The following ITPR2 variants were observed in gnomAD, a reference collection of about 807,000 sequenced individuals.
The protein encoded by ITPR2 is inositol 1,4,5-trisphosphate receptor type 2.
Under a neutral mutation model 317.1 loss-of-function variants are expected in ITPR2, and 207 were observed. The ratio of observed to expected loss-of-function variants is 0.65; its 90% confidence interval spans 0.58 to 0.73. The LOEUF is 0.73. ITPR2 is among the 30% of genes least tolerant of loss of function. The pLI, the probability that ITPR2 is intolerant of heterozygous loss-of-function variation, is 0.00. For missense variants in ITPR2, 2,613 were observed against 3,284.0 expected, an observed-to-expected ratio of 0.80 and a Z score of 4.99; for synonymous variants, 1,156 against 1,149.1, an observed-to-expected ratio of 1.01 and a Z score of -0.12.
At chr12:26,557,503 G>T (rs913098708) in intron 35 of ITPR2, among the ~76,000 whole-genome samples, 1 of 152,298 alleles carries the variant, frequency 6.6e-6, no homozygotes, top group South Asian at 2.1e-4. Context: ...GTGTGGGGAG[G>T]TTCTTTCAAA....
At chr12:26,708,028 C>T (rs1486272092) in intron 9 of ITPR2, among the ~76,000 whole-genome samples, 2 of 151,890 alleles carry the variant, frequency 1.3e-5, no homozygotes, top group Non-Finnish European at 2.9e-5. Flanking sequence ...CAGAGAAATG[C>T]CAACCAAAAC....
At chr12:26,466,375 A>G (rs1423179193) in intron 45 of ITPR2, among the ~76,000 whole-genome samples, 1 of 152,232 alleles carries the variant, frequency 6.6e-6, no homozygotes, top group Non-Finnish European at 1.5e-5. Context: ...TTGGTTACCA[A>G]GAAGCTCAGA....
chr12:26,567,976 TATTA>T (rs1417596254), intron 34 of ITPR2, among the ~76,000 whole-genome samples: 2 of 9,038 alleles, frequency 2.2e-4, no homozygotes, highest in Admixed American at 7.2e-4. Flanking sequence ...ATATTATATA[TATTA>T]TATATATATA....
intron 1 of ITPR2, among the ~76,000 whole-genome samples, chr12:26,813,111 T>C (rs529808414): frequency 1.4e-4 from 21 of 152,340 alleles, no homozygotes; most frequent in Non-Finnish European, 2.6e-4. Context: ...TAATTATTAA[T>C]TATAATTCAT....
intron 22 of ITPR2, chr12:26,630,481 G>A: frequency 6.6e-6 from 1 of 152,326 alleles, no homozygotes; most frequent in Non-Finnish European, 1.5e-5. Flanking sequence ...GAAGAGAGGA[G>A]CTGGCACAAG....
chr12:26,567,077 A>T (rs1945001686), intron 34 of ITPR2, among the ~76,000 whole-genome samples: 1 of 152,230 alleles, frequency 6.6e-6, no homozygotes, highest in Admixed American at 6.5e-5. Context: ...TTCCACTGAC[A>T]TTTAAACAAA....
intron 2 of ITPR2, among the ~76,000 whole-genome samples, chr12:26,778,325 C>T (rs1455727341): frequency 6.6e-6 from 1 of 152,208 alleles, no homozygotes; most frequent in East Asian, 1.9e-4. Flanking sequence ...TGATGATTCA[C>T]ATCACATCCC....
intron 9 of ITPR2, among the ~76,000 whole-genome samples, chr12:26,702,421 T>G (rs1193207080): frequency 5.2e-4 from 42 of 81,380 alleles, no homozygotes; most frequent in South Asian, 8.2e-4. Flanking sequence ...GGGGTTGGTG[T>G]TTTTTTTTTC....
intron 55 of ITPR2, among the ~76,000 whole-genome samples, chr12:26,362,614 A>C (rs764635126): frequency 6.6e-6 from 1 of 152,164 alleles, no homozygotes; most frequent in Non-Finnish European, 1.5e-5. Context: ...CTTTTCTCTA[A>C]TACAGTACTG....
intron 52 of ITPR2, among the ~76,000 whole-genome samples, chr12:26,408,854 T>C (rs1005877252): frequency 1.3e-5 from 2 of 152,236 alleles, no homozygotes; most frequent in African/African-American, 4.8e-5. Context: ...ACCATGTTGT[T>C]ACAATAAAAT....
chr12:26,815,145 C>T lies in ITPR2; in HGVS notation c.92+17545G>A, dbSNP rs141554384. On this transcript the variant is annotated intron_variant, in intron 1 of 56. Coordinates refer to ENST00000381340, the MANE Select transcript of ITPR2 (RefSeq NM_002223.4). The stretch of plus-strand genomic sequence containing the variant: ...GTTGAGGTCAGGAGTTTGAGACCAT[C>T]CTGGCCAACATGGTGAAACCTCATC... 4.1e-3 allele frequency among the ~76,000 whole-genome samples: 631 copies of T among 152,280 alleles called. 7 individuals are homozygous for T. Among genetic ancestry groups the T allele is most frequent in the African/African-American group, 0.015 (607 of 41,542 alleles).
chr12:26,379,143 A>G (rs1342653894), intron 55 of ITPR2, among the ~76,000 whole-genome samples: 2 of 152,224 alleles, frequency 1.3e-5, no homozygotes, highest in Non-Finnish European at 2.9e-5. Context: ...CGTTTGTGCA[A>G]GCTGTGCCAC....
rs1318601118 is a variant in ITPR2, at chr12:26,631,944, C to T, written c.2856G>A (p.Pro952=). The T allele has an allele frequency of 1.9e-6, 3 of 1,613,810 alleles. No individual in the cohort carries two copies. Among genetic ancestry groups the T allele is most frequent in the Non-Finnish European group, 2.5e-6 (3 of 1,179,934 alleles). The change falls in exon 22 of 57, where the codon CCG becomes CCA. Residue 952 remains proline (P), a synonymous_variant. Coordinates refer to ENST00000381340, the MANE Select transcript of ITPR2 (RefSeq NM_002223.4). ...GCTCGGTGGGGCTCCCTTGCTTGCT[C>T]GGGTGGATGCTGGGTGGCACATCCG... ...SVPDVPPSIH[P]SKQGSPTEHE...
At chr12:26,822,230 G>A (rs1485600314) in intron 1 of ITPR2, among the ~76,000 whole-genome samples, 1 of 152,166 alleles carries the variant, frequency 6.6e-6, no homozygotes, top group East Asian at 1.9e-4. Context: ...GATGATATTT[G>A]TACAGTGACT....
intron 55 of ITPR2, among the ~76,000 whole-genome samples, chr12:26,361,926 C>G (rs1041714912): frequency 6.6e-6 from 1 of 152,144 alleles, no homozygotes; most frequent in Non-Finnish European, 1.5e-5. Context: ...GTAGCTGATG[C>G]AATGTATGGT....
At position 26,622,341 on chromosome 12, in the gene ITPR2, GA is replaced by G; in HGVS notation, c.3186del (p.His1063IlefsTer2). The G allele has an allele frequency of 6.2e-7, 1 of 1,613,866 alleles. No homozygotes were observed. Among genetic ancestry groups the G allele is most frequent in the East Asian group, 2.2e-5 (1 of 44,866 alleles). ...GGCGGGTAGTCGTGCATGATCAGAT[GA>G]ATGAGGACCCGTAAAAACGTCCTGC... Reference protein sequence around the residue: ...EGGRTFLRVLIHLIMHDYPPL... With the variant: ...EGGRTFLRVLXHLIMHDYPPL... On this transcript the variant is annotated frameshift_variant, in exon 25 of 57. Coordinates refer to ENST00000381340, the MANE Select transcript of ITPR2 (RefSeq NM_002223.4). LOFTEE classifies it high-confidence loss of function.
At chr12:26,626,967 T>G (rs1006521917) in intron 23 of ITPR2, among the ~76,000 whole-genome samples, 2 of 152,148 alleles carry the variant, frequency 1.3e-5, no homozygotes, top group African/African-American at 4.8e-5. Flanking sequence ...AAAAAAATGG[T>G]AATTTAATAT....
chr12:26,817,417 T>A (rs1950878396), intron 1 of ITPR2, among the ~76,000 whole-genome samples: 1 of 152,174 alleles, frequency 6.6e-6, no homozygotes, highest in Admixed American at 6.5e-5. Context: ...CATACATCTT[T>A]TCTAGGCCTA....
intron 37 of ITPR2, among the ~76,000 whole-genome samples, chr12:26,549,001 G>A (rs951929814): frequency 6.6e-6 from 1 of 152,158 alleles, no homozygotes; most frequent in African/African-American, 2.4e-5. Flanking sequence ...TTAAGTGCAA[G>A]TCACTTTTAT....
Sources: gnomAD v4.1 joint callset for allele counts (sites outside exome capture counted in the v4.1 genomes callset) on GRCh38, gnomAD v4.1.1 for gene constraint, MANE v1.5 for transcripts, NCBI Gene and HGNC (gene_info 2026-07-23, HGNC 2026-07-21) for gene names.